The following OIT3 variants were observed in gnomAD, a reference collection of about 807,000 sequenced individuals.
OIT3 encodes the protein oncoprotein induced transcript 3.
A neutral mutation model predicts 52.2 loss-of-function variants in OIT3; 41 were observed. The ratio of observed to expected loss-of-function variants is 0.79; its 90% CI spans 0.61 to 1.02. The LOEUF is 1.02. Ranked by LOEUF, OIT3 falls within the 50% of genes least tolerant of loss-of-function variation. The probability of loss-of-function intolerance (pLI) is 0.00; values close to 1 mark genes in which losing one functional copy is unlikely to be tolerated. For missense variants in OIT3, 634 were observed against 715.5 expected (o/e 0.89, Z 1.30); for synonymous variants, 244 against 276.9 (o/e 0.88, Z 1.18).
chr10:72,926,819 G>GA (rs1264931057), intron 7 of OIT3, among the ~76,000 whole-genome samples: 3 of 152,062 alleles, frequency 2.0e-5, no homozygotes, highest in African/African-American at 7.2e-5. Flanking sequence ...TTTTTGCAGT[G>GA]ATAGATTTTT....
At chr10:72,896,637 C>T (rs994287152) in intron 1 of OIT3, among the ~76,000 whole-genome samples, 5 of 152,170 alleles carry the variant, frequency 3.3e-5, no homozygotes, top group African/African-American at 9.7e-5. Context: ...GTAAACTTAA[C>T]TTTGAATTGT....
chr10:72,899,711 A>G (rs1431566309), intron 2 of OIT3, among the ~76,000 whole-genome samples: 1 of 70,930 alleles, frequency 1.4e-5, no homozygotes, highest in African/African-American at 6.1e-5. Flanking sequence ...GATGATAGAT[A>G]GATAGATAGA....
At chr10:72,924,669 C>T (rs1412439199) in intron 7 of OIT3, 25 bp downstream of exon 7, 1 of 1,562,888 alleles carries the variant, frequency 6.4e-7, no homozygotes, top group African/African-American at 1.3e-5. Context: ...AGAATGGTCT[C>T]ATCACCCCTA....
rs998199805 is a variant in OIT3, at chr10:72,931,157, G to A, written c.1467+520G>A. ...GACAGTGTAAATTAGTACATTTGCT[G>A]GAACATTGTCTGATAATCTGTAATA... On this transcript the variant is annotated intron_variant, in intron 8 of 8. Transcript: ENST00000334011. 2.0e-5 allele frequency among the ~76,000 whole-genome samples: 3 copies of A among 152,112 alleles called. No individual in the cohort carries two copies. The East Asian group carries it at 5.8e-4, about 29-fold the overall frequency.
At position 72,897,020 on chromosome 10, in the gene OIT3, A is replaced by G. The variant is rs146726210; in HGVS notation, c.62-1644A>G. Among the ~76,000 whole-genome samples the G allele has an allele frequency of 3.3e-5, 5 of 151,972 alleles. No homozygotes were observed. The East Asian group carries it at 7.7e-4, about 23-fold the overall frequency. Reference sequence around the variant, plus strand: ...TAAAATGTTGTTTTTCTATTTATTTATTTGTTTGTTTGTTTATTTATGAGA... The same window carrying G: ...TAAAATGTTGTTTTTCTATTTATTTGTTTGTTTGTTTGTTTATTTATGAGA... On this transcript the variant is annotated intron_variant, in intron 1 of 8. Transcript: ENST00000334011.
intron 3 of OIT3, 33 bp downstream of exon 3, chr10:72,900,517 T>C (rs758371760): frequency 6.6e-6 from 8 of 1,216,472 alleles, no homozygotes; most frequent in Non-Finnish European, 9.7e-6. Flanking sequence ...AATCAGGCTA[T>C]TAGGATCGAA....
chr10:72,930,263 C>T (rs1366565292), intron 7 of OIT3, among the ~76,000 whole-genome samples: 1 of 152,150 alleles, frequency 6.6e-6, no homozygotes, highest in Admixed American at 6.5e-5. Context: ...TTGCTGTTGC[C>T]AACACTTAAA....
chr10:72,929,026 T>C (rs747570306), intron 7 of OIT3, among the ~76,000 whole-genome samples: 72 of 151,484 alleles, frequency 4.8e-4, no homozygotes, highest in Non-Finnish European at 8.1e-4. Context: ...CTGGGCAACA[T>C]AGTGAGATCC....
At chr10:72,914,669 G>C (rs538259135) in intron 6 of OIT3, among the ~76,000 whole-genome samples, 2 of 152,268 alleles carry the variant, frequency 1.3e-5, no homozygotes, top group African/African-American at 4.8e-5. Context: ...CCAAAATTCT[G>C]AGTGTGCAAG....
intron 3 of OIT3, among the ~76,000 whole-genome samples, chr10:72,901,043 G>A (rs1448202421): frequency 6.6e-6 from 1 of 152,066 alleles, no homozygotes; most frequent in African/African-American, 2.4e-5. Context: ...TCTCTAGCTT[G>A]GGTGAAAGAA....
chr10:72,924,098 C>G (rs1353882155), intron 6 of OIT3, 131 bp from the exon 7 acceptor site: 2 of 794,838 alleles, frequency 2.5e-6, no homozygotes, highest in African/African-American at 3.5e-5. Flanking sequence ...CAAAACAAAA[C>G]TTCATCCTTA....
rs751252973 is a variant in OIT3 at position 72,898,959 on chromosome 10, G to T, written c.357G>T (p.Val119=). ...NGNCCLWNTT[V]EVKACPGGYY... is the part of the protein sequence containing the mutation. ...ACTGCTGTCTCTGGAACACCACGGTGGAAGTCAAGGCTTGCCCTGGAGGCT... is the reference window on the plus strand; with the variant it reads ...ACTGCTGTCTCTGGAACACCACGGTTGAAGTCAAGGCTTGCCCTGGAGGCT... The change falls in exon 2 of 9, where the codon GTG becomes GTT. Residue 119 remains valine, a synonymous_variant. Transcript: ENST00000334011. The T allele has an allele frequency of 9.9e-6, 16 of 1,614,052 alleles. No individual in the cohort carries two copies. The East Asian group carries it at 3.6e-4, about 36-fold the overall frequency.
chr10:72,904,084 T>C (rs900179113), intron 3 of OIT3, among the ~76,000 whole-genome samples: 1 of 152,102 alleles, frequency 6.6e-6, no homozygotes, highest in Non-Finnish European at 1.5e-5. Context: ...ATTACAGACA[T>C]TGTATGGAAA....
At chr10:72,912,405 G>C (rs1846037403) in intron 5 of OIT3, among the ~76,000 whole-genome samples, 1 of 151,536 alleles carries the variant, frequency 6.6e-6, no homozygotes, top group African/African-American at 2.4e-5. Context: ...TGAGTAGCTG[G>C]GATTACAGGC....
chr10:72,928,195 A>G (rs1846185542), intron 7 of OIT3, among the ~76,000 whole-genome samples: 1 of 152,238 alleles, frequency 6.6e-6, no homozygotes, highest in Non-Finnish European at 1.5e-5. Flanking sequence ...ATGCTCTGAG[A>G]ATACAAAATA....
chr10:72,894,363 G>C (rs962454495), intron 1 of OIT3, among the ~76,000 whole-genome samples: 2 of 152,118 alleles, frequency 1.3e-5, no homozygotes, highest in Non-Finnish European at 2.9e-5. Context: ...CTCAGGCTTG[G>C]TGCAAAACTG....
intron 2 of OIT3, among the ~76,000 whole-genome samples, chr10:72,899,743 AGATAGATAGATAGAT>A (rs1436709308): frequency 4.6e-5 from 7 of 150,914 alleles, no homozygotes; most frequent in African/African-American, 1.2e-4. Context: ...ATAGATAGAT[AGATAGATAGATAGAT>A]GATAGATAGA....
chr10:72,918,469 T>C, intron 6 of OIT3: 1 of 1,039,680 alleles, frequency 9.6e-7, no homozygotes, highest in Non-Finnish European at 1.5e-6. Flanking sequence ...TCAGCCTTAA[T>C]TCACAACCAA....
intron 2 of OIT3, among the ~76,000 whole-genome samples, 178 bp from the exon 3 acceptor site, chr10:72,900,199 G>C: frequency 6.6e-6 from 1 of 152,186 alleles, no homozygotes; most frequent in East Asian, 1.9e-4. Context: ...GCTTATGCCT[G>C]TAGTGCCAGC....
Sources: allele counts gnomAD v4.1 joint callset (sites outside exome capture counted in the v4.1 genomes callset), GRCh38; gene constraint gnomAD v4.1.1; transcripts MANE v1.5; gene names NCBI Gene and HGNC (gene_info 2026-07-23, HGNC 2026-07-21).